Variants in TMEM169 observed in about 807,000 individuals in gnomAD.
TMEM169 encodes transmembrane protein 169.
Under a neutral mutation model 27.3 loss-of-function variants are expected in TMEM169, and 18 were observed. That is an observed-to-expected ratio of 0.66 (90% CI 0.46 to 0.98). The LOEUF is 0.98. Ranked by LOEUF, TMEM169 falls within the 50% of genes least tolerant of loss-of-function variation. TMEM169 has a pLI of 0.00. For missense variants in TMEM169, 320 were observed against 368.6 expected, an observed-to-expected ratio of 0.87 and a Z score of 1.08; for synonymous variants, 136 against 142.1, an observed-to-expected ratio of 0.96 and a Z score of 0.30.
chr2:216,100,743 A>G lies in TMEM169; in HGVS notation c.*201A>G, dbSNP rs926685333. The G allele has an allele frequency of 2.0e-5, 13 of 650,374 alleles. No homozygotes were observed. Among genetic ancestry groups the G allele is most frequent in the Non-Finnish European group, 3.4e-5 (13 of 385,010 alleles). 40.3% of individuals were successfully genotyped at this position (650,374 alleles called of 1,614,324 possible). A position where few individuals can be genotyped will look rare whatever the true frequency, so the allele number is the denominator to read the frequency against. On this transcript the variant is annotated 3_prime_UTR_variant, in exon 3 of 3. Coordinates refer to ENST00000437356, the MANE Select transcript of TMEM169 (RefSeq NM_001142311.2). Reference sequence around the variant, plus strand: ...CAATTGTGCCAAAGCAGTTCACCCAATGGACAAACTCTTTTTGATTCCCTG... The same window carrying G: ...CAATTGTGCCAAAGCAGTTCACCCAGTGGACAAACTCTTTTTGATTCCCTG...
chr2:216,090,443 G>A (rs1242652984), intron 1 of TMEM169, among the ~76,000 whole-genome samples: 10 of 152,222 alleles, frequency 6.6e-5, no homozygotes, highest in Admixed American at 5.9e-4. Context: ...TTACATGAGT[G>A]AACCATCTTG....
intron 1 of TMEM169, among the ~76,000 whole-genome samples, chr2:216,093,961 C>T (rs1696199728): frequency 6.6e-6 from 1 of 152,134 alleles, no homozygotes; most frequent in African/African-American, 2.4e-5. Context: ...TCTCCACTGC[C>T]CCACTCCCAT....
Position 216,096,136 on chromosome 2 carries a change from A to G in TMEM169, c.173A>G (p.Asp58Gly), listed in dbSNP as rs535670902. The G allele has an allele frequency of 6.2e-7, 1 of 1,614,126 alleles. No homozygotes were observed. Among genetic ancestry groups the G allele is most frequent in the East Asian group, 2.2e-5 (1 of 44,878 alleles). ...RPESIIIYRS[D>G]NEKTDEEPGE... ...GAATCCATCATCATCTACCGCTCAGACAATGAGAAAACAGATGAGGAGCCC... is the reference window on the plus strand; with the variant it reads ...GAATCCATCATCATCTACCGCTCAGGCAATGAGAAAACAGATGAGGAGCCC... The change falls in exon 2 of 3, where the codon GAC (aspartate) becomes GGC (glycine). Residue 58 changes from aspartate (D) to glycine (G), a missense_variant. By Grantham distance (94) the Asp-to-Gly change is moderately conservative (BLOSUM62 -1). Coordinates refer to ENST00000437356, the MANE Select transcript of TMEM169 (RefSeq NM_001142311.2).
rs1695986946 is a variant in TMEM169, at chr2:216,086,035, A to C, written c.-127+4056A>C. On this transcript the variant is annotated intron_variant, in intron 1 of 2. Coordinates refer to ENST00000437356, the MANE Select transcript of TMEM169 (RefSeq NM_001142311.2). ...GAGTACAGAGCTAATGGTTGATTGA[A>C]GCTAACACTCTGTAATATCACATTT... Among the ~76,000 whole-genome samples, 3 of 152,146 alleles carry C rather than the reference A, an allele frequency of 2.0e-5. No homozygotes were observed. The South Asian group carries it at 6.2e-4, about 31-fold the overall frequency.
At chr2:216,089,703 C>T (rs1300457556) in intron 1 of TMEM169, among the ~76,000 whole-genome samples, 1 of 152,194 alleles carries the variant, frequency 6.6e-6, no homozygotes, top group East Asian at 1.9e-4. Flanking sequence ...ATCCGCCCAT[C>T]TTGCCCTTCC....
chr2:216,082,302 A>G, intron 1 of TMEM169: 1 of 154,704 alleles, frequency 6.5e-6, no homozygotes, highest in Non-Finnish European at 1.4e-5. Flanking sequence ...TGCGGCTTTC[A>G]GATCCTTTCA....
Position 216,100,755 on chromosome 2 carries a change from T to G in TMEM169, c.*213T>G, listed in dbSNP as rs1300711659. ...AGCAGTTCACCCAATGGACAAACTC[T>G]TTTTGATTCCCTGCCCTAAAATCAC... On this transcript the variant is annotated 3_prime_UTR_variant, in exon 3 of 3. Coordinates refer to ENST00000437356, the MANE Select transcript of TMEM169 (RefSeq NM_001142311.2). 1 of 622,548 alleles carries G rather than the reference T, an allele frequency of 1.6e-6. No homozygotes were observed. The highest frequency in any genetic ancestry group is 1.8e-5 in the African/African-American group (1 of 54,070). The allele number at this position is 622,548 out of a possible 1,614,324, so 38.6% of individuals were successfully genotyped here.
At chr2:216,091,015 C>G (rs1336973589) in intron 1 of TMEM169, among the ~76,000 whole-genome samples, 1 of 152,230 alleles carries the variant, frequency 6.6e-6, no homozygotes, top group East Asian at 1.9e-4. Context: ...GTGCCAGACC[C>G]TGATTGGCCA....
chr2:216,095,743 G>A (rs1046762050), intron 1 of TMEM169, 95 bp from the exon 2 acceptor site: 9 of 498,176 alleles, frequency 1.8e-5, no homozygotes, highest in Admixed American at 1.4e-4. Context: ...TAAAGGGAGA[G>A]GAAGGCTTCT....
At chr2:216,087,007 A>C (rs1035518277) in intron 1 of TMEM169, among the ~76,000 whole-genome samples, 20 of 152,198 alleles carry the variant, frequency 1.3e-4, no homozygotes, top group African/African-American at 4.1e-4. Context: ...ACACACCTGC[A>C]ACACAGGGTT....
intron 1 of TMEM169, among the ~76,000 whole-genome samples, chr2:216,087,407 A>G (rs1389753494): frequency 3.9e-5 from 6 of 152,220 alleles, no homozygotes; most frequent in Non-Finnish European, 7.3e-5. Flanking sequence ...ATTCTGGCAT[A>G]TGGTGGTAGT....
chr2:216,099,179 G>A lies in TMEM169; in HGVS notation c.272-741G>A, dbSNP rs1487900557. Reference sequence around the variant, plus strand: ...GTGTTGTATGTGGTATGTGTGGGGAGGTTGTGTGTGGCATGTGTGTGGTGT... The same window carrying A: ...GTGTTGTATGTGGTATGTGTGGGGAAGTTGTGTGTGGCATGTGTGTGGTGT... On this transcript the variant is annotated intron_variant, in intron 2 of 2. Coordinates refer to ENST00000437356, the MANE Select transcript of TMEM169 (RefSeq NM_001142311.2). This position sits in a 1 kb window ranked among gnomAD's most constrained non-coding sequence, Gnocchi z 5.0. 2.0e-5 allele frequency among the ~76,000 whole-genome samples: 3 copies of A among 150,928 alleles called. No homozygotes were observed. The highest frequency in any genetic ancestry group is 1.5e-5 in the Non-Finnish European group (1 of 67,634).
At chr2:216,088,195 C>T (rs1287315908) in intron 1 of TMEM169, among the ~76,000 whole-genome samples, 3 of 151,382 alleles carry the variant, frequency 2.0e-5, no homozygotes, top group South Asian at 2.1e-4. Flanking sequence ...TGCAGTGGCT[C>T]ACGCCTGTAA....
In TMEM169 at chr2:216,102,674, G is replaced by A. The variant is rs1696422852; in HGVS notation, c.*2132G>A. ...ATTAGCTTGACAAGAAAAAAAAAGT[G>A]CCCAACAGTTTTAGTGTTAATCTTG... On this transcript the variant is annotated 3_prime_UTR_variant, in exon 3 of 3. Transcript: ENST00000437356. 6.6e-6 allele frequency: 1 copy of A among 150,958 alleles called. No homozygotes were observed. Among genetic ancestry groups the A allele is most frequent in the African/African-American group, 2.5e-5 (1 of 40,710 alleles). 9.4% of individuals were successfully genotyped at this position (150,958 alleles called of 1,614,324 possible).
chr2:216,092,360 T>TA (rs1185818442), intron 1 of TMEM169, among the ~76,000 whole-genome samples: 2 of 152,202 alleles, frequency 1.3e-5, no homozygotes, highest in African/African-American at 4.8e-5. Flanking sequence ...TGTTTTTTTT[T>TA]AATTAAATTA....
intron 1 of TMEM169, among the ~76,000 whole-genome samples, chr2:216,090,724 T>C (rs1352280102): frequency 2.6e-5 from 4 of 152,222 alleles, no homozygotes; most frequent in African/African-American, 9.6e-5. Flanking sequence ...GCACTCCCAG[T>C]TTATTGACGC....
At chr2:216,083,133 A>G (rs926114154) in intron 1 of TMEM169, among the ~76,000 whole-genome samples, 2 of 152,222 alleles carry the variant, frequency 1.3e-5, no homozygotes, top group African/African-American at 4.8e-5. Context: ...TGACAGATTC[A>G]AATCTACACT....
intron 1 of TMEM169, among the ~76,000 whole-genome samples, chr2:216,093,473 A>G (rs988370115): frequency 2.6e-5 from 4 of 152,192 alleles, no homozygotes; most frequent in Non-Finnish European, 5.9e-5. Flanking sequence ...AATGGCTTTC[A>G]TTCTGCCCCT....
intron 2 of TMEM169, among the ~76,000 whole-genome samples, chr2:216,097,292 T>C (rs1696284710): frequency 6.6e-6 from 1 of 150,786 alleles, no homozygotes; most frequent in African/African-American, 2.5e-5. Context: ...TCCCAGCACT[T>C]TGTGAGGCCA....
Sources: gnomAD v4.1 joint callset for allele counts (sites outside exome capture counted in the v4.1 genomes callset) on GRCh38, gnomAD v4.1.1 for gene constraint, Gnocchi (gnomAD v3.1) non-coding constraint, MANE v1.5 for transcripts, NCBI Gene and HGNC (gene_info 2026-07-23, HGNC 2026-07-21) for gene names.